HS3ST1: variants seen among roughly 807,000 people sequenced by gnomAD.
HS3ST1 encodes heparan sulfate glucosamine 3-O-sulfotransferase 1.
HS3ST1 carries 8 observed loss-of-function variants against 20.7 expected under a neutral mutation model. The ratio of observed to expected loss-of-function variants is 0.39; its 90% CI spans 0.23 to 0.70. The LOEUF (loss-of-function observed/expected upper bound fraction) is 0.70. HS3ST1 is among the 30% of genes least tolerant of loss of function. The pLI, the probability that HS3ST1 is intolerant of heterozygous loss-of-function variation, is 0.46. For missense variants in HS3ST1, 436 were observed against 423.4 expected, an observed-to-expected ratio of 1.03 and a Z score of -0.26; for synonymous variants, 205 against 190.4, an observed-to-expected ratio of 1.08 and a Z score of -0.63.
intron 1 of HS3ST1, among the ~76,000 whole-genome samples, chr4:11,411,850 T>G (rs975704149): frequency 2.0e-5 from 3 of 152,146 alleles, no homozygotes; most frequent in African/African-American, 4.8e-5. Flanking sequence ...GGCTGGTGAT[T>G]AAGGGCCTGG....
At chr4:11,426,371 C>CA (rs1032435678) in intron 1 of HS3ST1, among the ~76,000 whole-genome samples, 3 of 151,464 alleles carry the variant, frequency 2.0e-5, no homozygotes, top group African/African-American at 4.9e-5. Context: ...AGGCCCCCCC[C>CA]CCAACCCTCA....
intron 1 of HS3ST1, among the ~76,000 whole-genome samples, chr4:11,414,839 AATT>A (rs1293759798): frequency 2.0e-5 from 3 of 152,176 alleles, no homozygotes; most frequent in Admixed American, 2.0e-4. Flanking sequence ...TTCTTTCTAC[AATT>A]ATTATCCCCT....
At position 11,399,148 on chromosome 4, in the gene HS3ST1, G is replaced by A; in HGVS notation, c.858C>T (p.His286=). ...TCTTATTTGGCTCATGAAAATATTC[G>A]TGCAGTTTATTGAGTAGTTTGGGAT... The part of the protein sequence containing the change: ...QVDPKLLNKL[H]EYFHEPNKKF... Residue 286 remains histidine (H), a synonymous_variant, in exon 2 of 2, where the codon CAC becomes CAT. Coordinates refer to ENST00000002596, the MANE Select transcript of HS3ST1 (RefSeq NM_005114.4). This position sits in a 1 kb window ranked among gnomAD's most constrained non-coding sequence, Gnocchi z 5.1. 3 of 1,614,076 alleles carry A rather than the reference G, an allele frequency of 1.9e-6. No individual in the cohort carries two copies. Among genetic ancestry groups the A allele is most frequent in the Non-Finnish European group, 1.7e-6 (2 of 1,179,998 alleles).
intron 1 of HS3ST1, among the ~76,000 whole-genome samples, chr4:11,411,002 G>A (rs552341515): frequency 2.0e-5 from 3 of 152,330 alleles, no homozygotes; most frequent in South Asian, 4.2e-4. Flanking sequence ...ACTTCACTAT[G>A]TACAGGCTCT....
chr4:11,421,026 T>C (rs1384546730), intron 1 of HS3ST1, among the ~76,000 whole-genome samples: 1 of 152,238 alleles, frequency 6.6e-6, no homozygotes, highest in Admixed American at 6.5e-5. Context: ...ATCTGAGACA[T>C]ACTATACTAA....
At chr4:11,419,536 A>G (rs1718871544) in intron 1 of HS3ST1, among the ~76,000 whole-genome samples, 1 of 152,134 alleles carries the variant, frequency 6.6e-6, no homozygotes, top group Non-Finnish European at 1.5e-5. Context: ...GCGGGGCTTG[A>G]AACCTAGATG....
At chr4:11,422,196 C>T (rs1718957194) in intron 1 of HS3ST1, among the ~76,000 whole-genome samples, 2 of 152,296 alleles carry the variant, frequency 1.3e-5, no homozygotes, top group Middle Eastern at 3.4e-3. Context: ...ATTTTGACTA[C>T]GTCTTATCAT....
At chr4:11,410,575 G>A (rs1718594384) in intron 1 of HS3ST1, among the ~76,000 whole-genome samples, 1 of 152,178 alleles carries the variant, frequency 6.6e-6, no homozygotes, top group African/African-American at 2.4e-5. Context: ...AGAGGCTGCA[G>A]TGTTCTCTCT....
intron 1 of HS3ST1, among the ~76,000 whole-genome samples, chr4:11,416,235 G>T (rs224492): frequency 6.6e-6 from 1 of 152,182 alleles, no homozygotes; most frequent in Admixed American, 6.5e-5. Flanking sequence ...GTTTATCATA[G>T]TGGTACTTTC....
chr4:11,427,993 C>G (rs1216249562), intron 1 of HS3ST1, among the ~76,000 whole-genome samples: 2 of 152,200 alleles, frequency 1.3e-5, no homozygotes, highest in Non-Finnish European at 2.9e-5. Context: ...GCGTTCCAAC[C>G]GCGGGTTCGC....
chr4:11,416,582 G>A (rs1286897303), intron 1 of HS3ST1, among the ~76,000 whole-genome samples: 1 of 152,166 alleles, frequency 6.6e-6, no homozygotes, highest in Non-Finnish European at 1.5e-5. Flanking sequence ...GTCCCATGAG[G>A]GTTGGTGGCA....
At chr4:11,404,605 A>G (rs1272482928) in intron 1 of HS3ST1, among the ~76,000 whole-genome samples, 1 of 152,212 alleles carries the variant, frequency 6.6e-6, no homozygotes, top group Non-Finnish European at 1.5e-5. Flanking sequence ...CCTGAACAGG[A>G]GAAGAACCAG....
chr4:11,434,266 T>C (rs568058662), upstream of HS3ST1, among the ~76,000 whole-genome samples: 1 of 152,350 alleles, frequency 6.6e-6, no homozygotes, highest in South Asian at 2.1e-4. Context: ...TAGAATGCTT[T>C]GAAGCTTAGG....
At chr4:11,429,668 T>TTTTTTTTTTTTTTTTTTTTTTTTTTG, upstream of HS3ST1, 1 of 142,076 alleles carries the variant, frequency 7.0e-6, no homozygotes, top group East Asian at 2.1e-4. Context: ...TTTTTTTTTT[T>TTTTTTTTTTTTTTTTTTTTTTTTTTG]TTTTTCCGCT....
chr4:11,430,798 G>A (rs1312341239), upstream of HS3ST1, among the ~76,000 whole-genome samples: 1 of 152,220 alleles, frequency 6.6e-6, no homozygotes, highest in African/African-American at 2.4e-5. Context: ...TGACTGCAGG[G>A]CACATGTGGG....
intron 1 of HS3ST1, among the ~76,000 whole-genome samples, chr4:11,427,610 A>C (rs910814057): frequency 1.3e-5 from 2 of 152,344 alleles, no homozygotes; most frequent in Non-Finnish European, 2.9e-5. Flanking sequence ...AGGCGAGGCA[A>C]GGGTACCACT....
chr4:11,412,455 C>A (rs757419301), intron 1 of HS3ST1, among the ~76,000 whole-genome samples: 1 of 152,184 alleles, frequency 6.6e-6, no homozygotes, highest in Non-Finnish European at 1.5e-5. Flanking sequence ...ATCCAAAATT[C>A]CTAGCCAAAG....
chr4:11,414,070 T>C (rs1443702134), intron 1 of HS3ST1: 2 of 152,164 alleles, frequency 1.3e-5, no homozygotes, highest in East Asian at 3.9e-4. Flanking sequence ...CACTGGATCT[T>C]CCTGGACAGT....
At chr4:11,413,562 G>A (rs1480307014) in intron 1 of HS3ST1, among the ~76,000 whole-genome samples, 1 of 152,036 alleles carries the variant, frequency 6.6e-6, no homozygotes, top group Non-Finnish European at 1.5e-5. Flanking sequence ...ATAAATGTAC[G>A]GTGCATCAGG....
Sources: gnomAD v4.1 joint callset for allele counts (sites outside exome capture counted in the v4.1 genomes callset) on GRCh38, gnomAD v4.1.1 for gene constraint, Gnocchi (gnomAD v3.1) non-coding constraint, MANE v1.5 for transcripts, NCBI Gene and HGNC (gene_info 2026-07-23, HGNC 2026-07-21) for gene names.